SNTB1: variants seen among roughly 807,000 people sequenced by gnomAD.
The protein encoded by SNTB1 is syntrophin beta 1.
Under a neutral mutation model 48.9 loss-of-function variants are expected in SNTB1, and 36 were observed. The observed-to-expected ratio is 0.74, with a 90% CI of 0.56 to 0.97. The LOEUF is 0.97. SNTB1 is among the 50% of genes least tolerant of loss of function. The pLI is 0.00. For synonymous variants in SNTB1, 299 were observed against 294.6 expected, an observed-to-expected ratio of 1.01 and a Z score of -0.15; for missense variants, 786 against 703.4, an observed-to-expected ratio of 1.12 and a Z score of -1.33.
intron 3 of SNTB1, among the ~76,000 whole-genome samples, chr8:120,603,900 C>A (rs1183130102): frequency 1.3e-5 from 2 of 152,148 alleles, no homozygotes; most frequent in African/African-American, 4.8e-5. Flanking sequence ...CCCAGAGGTA[C>A]ACTTTGACCA....
chr8:120,602,957 T>G (rs1234672965), intron 3 of SNTB1, among the ~76,000 whole-genome samples: 1 of 152,050 alleles, frequency 6.6e-6, no homozygotes, highest in Non-Finnish European at 1.5e-5. Flanking sequence ...TACACAGATT[T>G]GCTATCATGT....
chr8:120,624,451 G>A (rs766983854), intron 3 of SNTB1, among the ~76,000 whole-genome samples: 21 of 152,014 alleles, frequency 1.4e-4, no homozygotes, highest in South Asian at 4.2e-4. Flanking sequence ...GCTAACTCAC[G>A]CCCATGATAA....
At chr8:120,566,117 A>T (rs973494953) in intron 4 of SNTB1, among the ~76,000 whole-genome samples, 3 of 152,082 alleles carry the variant, frequency 2.0e-5, no homozygotes, top group African/African-American at 7.2e-5. Flanking sequence ...CAGAATAGAG[A>T]CAGGTTGTGG....
At chr8:120,728,318 TTTA>T (rs773738897) in intron 1 of SNTB1, among the ~76,000 whole-genome samples, 7 of 152,130 alleles carry the variant, frequency 4.6e-5, no homozygotes, top group Non-Finnish European at 1.0e-4. Context: ...AAACAAAATA[TTTA>T]TTATTTTTTC....
intron 1 of SNTB1, among the ~76,000 whole-genome samples, chr8:120,774,982 T>C (rs118129050): frequency 0.035 from 5,318 of 152,270 alleles, 105 homozygotes; most frequent in Middle Eastern, 0.075. Flanking sequence ...GGGAAAATGT[T>C]AAGTTCGGGC....
At chr8:120,570,448 G>C (rs1375724792) in intron 4 of SNTB1, 1 of 152,162 alleles carries the variant, frequency 6.6e-6, no homozygotes, top group Non-Finnish European at 1.5e-5. Flanking sequence ...CTAGTGAAAA[G>C]TCTTCCTCCC....
chr8:120,746,854 A>G (rs552450360), intron 1 of SNTB1, among the ~76,000 whole-genome samples: 2 of 152,314 alleles, frequency 1.3e-5, no homozygotes, highest in African/African-American at 4.8e-5. Flanking sequence ...GAAAATGTGC[A>G]TGGTGTTTAG....
chr8:120,811,969 G>T lies in SNTB1; in HGVS notation c.-126C>A. On this transcript the variant is annotated 5_prime_UTR_variant, in exon 1 of 7. Transcript: ENST00000517992. The stretch of plus-strand genomic sequence containing the variant: ...GCGTCCCGCGGGGAGGTGGCGGCAC[G>T]CGGGACTCCGCTCCGGGAGTTCGCA... 7.8e-7 allele frequency: 1 copy of T among 1,274,276 alleles called. No individual in the cohort carries two copies. Among genetic ancestry groups the T allele is most frequent in the Non-Finnish European group, 9.8e-7 (1 of 1,015,580 alleles). The allele number at this position is 1,274,276 out of a possible 1,614,324, so 78.9% of individuals were successfully genotyped here.
chr8:120,598,056 T>C (rs1816354212), intron 3 of SNTB1, among the ~76,000 whole-genome samples: 2 of 152,226 alleles, frequency 1.3e-5, no homozygotes, highest in South Asian at 2.1e-4. Context: ...GATGCTTTGC[T>C]GGCGCTTATT....
intron 3 of SNTB1, among the ~76,000 whole-genome samples, chr8:120,602,190 T>C (rs988601052): frequency 9.9e-5 from 15 of 152,228 alleles, no homozygotes; most frequent in African/African-American, 3.6e-4. Context: ...CTCACAGTAA[T>C]GAAGGCATTG....
intron 1 of SNTB1, among the ~76,000 whole-genome samples, chr8:120,734,909 A>G (rs1181768715): frequency 6.6e-6 from 1 of 152,232 alleles, no homozygotes; most frequent in Non-Finnish European, 1.5e-5. Flanking sequence ...TGGATGAGAA[A>G]GCTTTGGAAG....
At chr8:120,562,051 C>T (rs1357277425) in intron 4 of SNTB1, among the ~76,000 whole-genome samples, 4 of 152,174 alleles carry the variant, frequency 2.6e-5, no homozygotes, top group Non-Finnish European at 5.9e-5. Flanking sequence ...TAACCTCAGT[C>T]CTTAGAGCTC....
chr8:120,542,735 C>T (rs1279976646), intron 5 of SNTB1, among the ~76,000 whole-genome samples: 1 of 152,052 alleles, frequency 6.6e-6, no homozygotes, highest in East Asian at 1.9e-4. Context: ...CACACGCACA[C>T]ACACACAATT....
chr8:120,580,626 G>A (rs562829203), intron 3 of SNTB1, among the ~76,000 whole-genome samples: 6 of 152,286 alleles, frequency 3.9e-5, no homozygotes, highest in East Asian at 3.9e-4. Context: ...ATTGCAGATC[G>A]TGTTTATCTC....
Position 120,792,660 on chromosome 8 carries a change from C to T in SNTB1, c.571+18613G>A, listed in dbSNP as rs534379534. On this transcript the variant is annotated intron_variant, in intron 1 of 6. Transcript: ENST00000517992. ...ATTGAATAATTTAGCTAAAGTATAG[C>T]GTTAACCTGGGAAATGGGAAAATTG... Among the ~76,000 whole-genome samples, 38 of 151,952 alleles carry T rather than the reference C, an allele frequency of 2.5e-4. No individual in the cohort carries two copies. The South Asian group carries it at 7.3e-3, about 29-fold the overall frequency.
chr8:120,638,278 A>G lies in SNTB1; in HGVS notation c.789-5627T>C, dbSNP rs543463180. The G allele has an allele frequency of 4.6e-5, 7 of 152,360 alleles. No homozygotes were observed. The East Asian group carries it at 1.4e-3, about 29-fold the overall frequency. The allele number at this position is 152,360 out of a possible 1,614,324, so 9.4% of individuals were successfully genotyped here. A position where few individuals can be genotyped will look rare whatever the true frequency, so the allele number is the denominator to read the frequency against. ...TTTCCTACATCTTCAGTGTGGAAGA[A>G]GCGGGAAAACACAGTCTTCTCCACT... On this transcript the variant is annotated intron_variant, in intron 2 of 6. Transcript: ENST00000517992.
chr8:120,809,445 T>A (rs1389440029), intron 1 of SNTB1, among the ~76,000 whole-genome samples: 1 of 152,198 alleles, frequency 6.6e-6, no homozygotes, highest in African/African-American at 2.4e-5. Flanking sequence ...CTGCTTGATT[T>A]TTTTTCTTTC....
intron 3 of SNTB1, among the ~76,000 whole-genome samples, chr8:120,625,666 A>C (rs1399562038): frequency 6.6e-6 from 1 of 152,200 alleles, no homozygotes; most frequent in East Asian, 1.9e-4. Flanking sequence ...TTTTTTTCTT[A>C]GTCTTGCTCC....
At chr8:120,786,544 T>C (rs893037734) in intron 1 of SNTB1, among the ~76,000 whole-genome samples, 2 of 152,114 alleles carry the variant, frequency 1.3e-5, no homozygotes, top group African/African-American at 4.8e-5. Context: ...CACTTCAGGG[T>C]GACTGCATCC....
Sources: gnomAD v4.1 joint callset for allele counts (sites outside exome capture counted in the v4.1 genomes callset) on GRCh38, gnomAD v4.1.1 for gene constraint, MANE v1.5 for transcripts, NCBI Gene and HGNC (gene_info 2026-07-23, HGNC 2026-07-21) for gene names.